Variants in ADAMTSL1 observed in about 807,000 individuals in gnomAD.
The protein encoded by ADAMTSL1 is ADAMTS like 1.
A neutral mutation model predicts 201.8 loss-of-function variants in ADAMTSL1; 126 were observed. That is an observed-to-expected ratio of 0.62 (90% CI 0.54 to 0.72). The LOEUF is 0.72. Among genes scored for constraint, ADAMTSL1 ranks in the 30% least tolerant of loss-of-function variants. The pLI is 0.00. For missense variants in ADAMTSL1, 2,679 were observed against 2,277.8 expected, an observed-to-expected ratio of 1.18 and a Z score of -3.59; for synonymous variants, 1,121 against 903.4, an observed-to-expected ratio of 1.24 and a Z score of -4.32.
Position 18,841,390 on chromosome 9 carries a change from C to G in ADAMTSL1, c.4249+11413C>G, listed in dbSNP as rs549563497. On this transcript the variant is annotated intron_variant, in intron 23 of 28. Transcript: ENST00000380548. ...ACTTGCATCCCAAGGATGAAGCCCA[C>G]TTGATCATGGTGGATAAGCTTTTTG... Among the ~76,000 whole-genome samples the G allele has an allele frequency of 2.6e-4, 39 of 152,276 alleles. 1 individual carries two copies. The East Asian group carries it at 7.3e-3, about 29-fold the overall frequency.
At chr9:18,533,225 C>A in intron 2 of ADAMTSL1, 22 bp from the exon 3 acceptor site, 2 of 1,595,578 alleles carry the variant, frequency 1.3e-6, no homozygotes, top group Non-Finnish European at 1.7e-6. Context: ...AGTAATATTT[C>A]TTTTTTCTTT....
chr9:18,719,470 T>C (rs186205047), intron 14 of ADAMTSL1, among the ~76,000 whole-genome samples: 103 of 152,262 alleles, frequency 6.8e-4, no homozygotes, highest in Admixed American at 3.1e-3. Context: ...GTTTCAGCAA[T>C]TCTCCTACCT....
Position 17,915,887 on chromosome 9 carries a change from G to A in ADAMTSL1, c.87+8965G>A, listed in dbSNP as rs7021822. Reference sequence around the variant, plus strand: ...TATTTAGCCCATTATAGGATTGTTAGTTTTCTTATTGGGCTTGGAGAATTC... The same window carrying A: ...TATTTAGCCCATTATAGGATTGTTAATTTTCTTATTGGGCTTGGAGAATTC... On this transcript the variant is annotated intron_variant, in intron 1 of 29. Coordinates refer to the ADAMTSL1 transcript ENST00000680146. 1.8e-3 allele frequency among the ~76,000 whole-genome samples: 267 copies of A among 151,654 alleles called. 1 individual carries two copies. Among genetic ancestry groups the A allele is most frequent in the African/African-American group, 6.1e-3 (254 of 41,410 alleles).
At chr9:18,158,680 C>A (rs1827258133) in intron 1 of ADAMTSL1, among the ~76,000 whole-genome samples, 1 of 151,952 alleles carries the variant, frequency 6.6e-6, no homozygotes, top group South Asian at 2.1e-4. Context: ...TATTTAGAAT[C>A]TATTTATAAA....
intron 1 of ADAMTSL1, among the ~76,000 whole-genome samples, chr9:18,070,384 A>G (rs927497055): frequency 2.6e-5 from 4 of 152,182 alleles, no homozygotes; most frequent in Admixed American, 2.6e-4. Context: ...GAAAATTAAC[A>G]GAACGAGAAG....
intron 2 of ADAMTSL1, among the ~76,000 whole-genome samples, chr9:18,443,261 A>T (rs1820066458): frequency 2.0e-5 from 3 of 152,228 alleles, no homozygotes; most frequent in Non-Finnish European, 2.9e-5. Flanking sequence ...TGAGAAGCTT[A>T]ACTGTTCTAG....
chr9:18,860,315 C>T (rs1322339415), intron 23 of ADAMTSL1, among the ~76,000 whole-genome samples: 1 of 152,060 alleles, frequency 6.6e-6, no homozygotes, highest in Admixed American at 6.6e-5. Context: ...GATCTCATAC[C>T]CTCGACCAGG....
At chr9:18,457,699 A>G (rs1348071395) in intron 2 of ADAMTSL1, among the ~76,000 whole-genome samples, 2 of 152,206 alleles carry the variant, frequency 1.3e-5, no homozygotes, top group Admixed American at 1.3e-4. Context: ...GGAAAGTAGT[A>G]TGGGTTCTGA....
chr9:18,477,361 T>G (rs1821504203), intron 1 of ADAMTSL1, among the ~76,000 whole-genome samples: 1 of 152,196 alleles, frequency 6.6e-6, no homozygotes, highest in East Asian at 1.9e-4. Context: ...GTACATGTGT[T>G]TTCCTGTTGA....
At chr9:17,914,050 C>G (rs1204411824) in intron 1 of ADAMTSL1, among the ~76,000 whole-genome samples, 5 of 152,248 alleles carry the variant, frequency 3.3e-5, no homozygotes, top group East Asian at 1.9e-4. Context: ...ACCAAAAAGA[C>G]TCCAGGACCA....
chr9:18,753,796 A>AG, intron 16 of ADAMTSL1, among the ~76,000 whole-genome samples: 1 of 152,266 alleles, frequency 6.6e-6, no homozygotes, highest in Middle Eastern at 3.4e-3. Flanking sequence ...GCTAAGGAAA[A>AG]TTTTTTAAAA....
chr9:18,599,958 C>T (rs978849472), intron 4 of ADAMTSL1, among the ~76,000 whole-genome samples: 2 of 141,942 alleles, frequency 1.4e-5, no homozygotes, highest in African/African-American at 5.3e-5. Context: ...CGAGATCATC[C>T]TGGCTAACAT....
chr9:18,231,659 C>T (rs1332677662), intron 2 of ADAMTSL1, among the ~76,000 whole-genome samples: 1 of 152,206 alleles, frequency 6.6e-6, no homozygotes, highest in Non-Finnish European at 1.5e-5. Flanking sequence ...AACAGCTTCC[C>T]TGGTACCCAG....
intron 2 of ADAMTSL1, among the ~76,000 whole-genome samples, chr9:18,312,070 T>G (rs941486997): frequency 6.6e-6 from 1 of 152,174 alleles, no homozygotes; most frequent in African/African-American, 2.4e-5. Context: ...AAATGTGCAG[T>G]ATTCAGGCAA....
chr9:18,026,109 G>A (rs1442801995), intron 1 of ADAMTSL1, among the ~76,000 whole-genome samples: 1 of 151,972 alleles, frequency 6.6e-6, no homozygotes, highest in Non-Finnish European at 1.5e-5. Context: ...GAGCCCTTTG[G>A]TAGAGTCTTT....
chr9:18,365,962 G>GAAC (rs1407406968), intron 2 of ADAMTSL1, among the ~76,000 whole-genome samples: 4 of 152,248 alleles, frequency 2.6e-5, no homozygotes, highest in African/African-American at 9.6e-5. Flanking sequence ...ATTTGAGATG[G>GAAC]AACAGTTTCA....
chr9:18,864,470 A>G, intron 23 of ADAMTSL1, among the ~76,000 whole-genome samples: 1 of 152,162 alleles, frequency 6.6e-6, no homozygotes, highest in East Asian at 1.9e-4. Flanking sequence ...AATCTTGGTG[A>G]TTTTCAGACC....
At chr9:18,523,845 C>A (rs10810978) in intron 2 of ADAMTSL1, among the ~76,000 whole-genome samples, 47,767 of 104,810 alleles carry the variant, frequency 0.46, 8,911 homozygotes, top group East Asian at 0.68. Flanking sequence ...GTTACTGTAG[C>A]CTTGCAGTAT....
chr9:18,714,768 T>C (rs1367241643), intron 14 of ADAMTSL1, among the ~76,000 whole-genome samples: 1 of 152,008 alleles, frequency 6.6e-6, no homozygotes, highest in African/African-American at 2.4e-5. Flanking sequence ...ATCATACTGA[T>C]ACCAAAGCCG....
Sources: allele counts gnomAD v4.1 joint callset (sites outside exome capture counted in the v4.1 genomes callset), GRCh38; gene constraint gnomAD v4.1.1; transcripts MANE v1.5; gene names NCBI Gene and HGNC (gene_info 2026-07-23, HGNC 2026-07-21).